Variants in VCAN observed in about 807,000 individuals in gnomAD.
VCAN encodes the protein versican core protein.
VCAN carries 44 observed loss-of-function variants against 245.5 expected under a neutral mutation model. The observed-to-expected ratio is 0.18, with a 90% confidence interval of 0.14 to 0.23. The LOEUF is 0.23. Ranked by LOEUF, VCAN falls within the 10% of genes least tolerant of loss-of-function variation. The pLI is 1.00. For synonymous variants in VCAN, 1,413 were observed against 1,437.0 expected (o/e 0.98, Z 0.38); for missense variants, 3,793 against 4,057.9 (o/e 0.93, Z 1.77).
In VCAN at chr5:83,520,155, T is replaced by C; in HGVS notation, c.1849T>C (p.Ser617Pro). Residue 617 changes from serine to proline, a missense_variant, in exon 7 of 15, where the codon TCA (serine) becomes CCA (proline). Physicochemically the swap from Ser to Pro is moderately conservative, Grantham distance 74. Transcript: ENST00000265077. ...TTTAATTATGCCTGATAATAATGGA[T>C]CATCCATGGATGACTGGGAAGAGAG... The part of the protein sequence containing the change: ...SPLIMPDNNG[S>P]SMDDWEERQT... 1 of 1,614,056 alleles carries C rather than the reference T, an allele frequency of 6.2e-7. No homozygotes were observed. Among genetic ancestry groups the C allele is most frequent in the Non-Finnish European group, 8.5e-7 (1 of 1,179,976 alleles).
chr5:83,560,718 G>T (rs1177244621), intron 12 of VCAN, among the ~76,000 whole-genome samples: 1 of 152,096 alleles, frequency 6.6e-6, no homozygotes, highest in Non-Finnish European at 1.5e-5. Context: ...TCCAACAAGT[G>T]GTTTAAAATC....
chr5:83,512,433 A>C, intron 6 of VCAN, 37 bp downstream of exon 6: 1 of 1,600,096 alleles, frequency 6.2e-7, no homozygotes, highest in Non-Finnish European at 8.5e-7. Flanking sequence ...TTACAGTTTT[A>C]AAAAAAATGC....
chr5:83,476,117 A>C (rs890922242), intron 1 of VCAN, among the ~76,000 whole-genome samples: 2 of 152,160 alleles, frequency 1.3e-5, no homozygotes, highest in African/African-American at 4.8e-5. Flanking sequence ...GATACTACCC[A>C]TTGTTCTCTC....
chr5:83,533,946 A>G (rs1015469262), intron 7 of VCAN, among the ~76,000 whole-genome samples: 3 of 152,158 alleles, frequency 2.0e-5, no homozygotes, highest in Admixed American at 6.6e-5. Flanking sequence ...TATTCTTAAT[A>G]TGAGTTGATA....
At chr5:83,475,628 A>G (rs985363468) in intron 1 of VCAN, among the ~76,000 whole-genome samples, 1 of 152,248 alleles carries the variant, frequency 6.6e-6, no homozygotes, top group African/African-American at 2.4e-5. Context: ...AAGGTCTCCA[A>G]GAGTCTGACT....
chr5:83,529,508 G>A (rs886820398), intron 7 of VCAN, among the ~76,000 whole-genome samples: 3 of 151,926 alleles, frequency 2.0e-5, no homozygotes, highest in African/African-American at 7.3e-5. Flanking sequence ...GTATATGAAT[G>A]TATGCGTAGG....
chr5:83,498,399 T>C (rs1025934163), intron 5 of VCAN, among the ~76,000 whole-genome samples: 9 of 152,306 alleles, frequency 5.9e-5, no homozygotes, highest in African/African-American at 2.2e-4. Context: ...GCTCCATAGG[T>C]AGAGCTGAAT....
chr5:83,552,641 C>T (rs1334792986), intron 10 of VCAN, among the ~76,000 whole-genome samples: 1 of 150,910 alleles, frequency 6.6e-6, no homozygotes, highest in Non-Finnish European at 1.5e-5. Flanking sequence ...TATTGTGAAA[C>T]ACACACACAG....
chr5:83,554,411 G>A (rs1001632030), intron 11 of VCAN, among the ~76,000 whole-genome samples: 3 of 152,304 alleles, frequency 2.0e-5, no homozygotes, highest in Admixed American at 6.5e-5. Context: ...ACTTTACTGC[G>A]TGATATCCTT....
Position 83,520,861 on chromosome 5 carries a change from A to G in VCAN, c.2555A>G (p.Asp852Gly), listed in dbSNP as rs753675362. 3.1e-6 allele frequency: 5 copies of G among 1,614,050 alleles called. No individual in the cohort carries two copies. The highest frequency in any genetic ancestry group is 4.2e-6 in the Non-Finnish European group (5 of 1,180,006). Residue 852 changes from aspartate (D) to glycine (G), a missense_variant, in exon 7 of 15, where the codon GAT (aspartate) becomes GGT (glycine). Transcript: ENST00000265077. The part of the protein sequence containing the change: ...DIPSFTEDGA[D>G]EFTLIPDSTQ... ...CCAAGTTTCACTGAAGATGGAGCAGATGAATTTACTCTTATTCCAGATAGT... is the reference window on the plus strand; with the variant it reads ...CCAAGTTTCACTGAAGATGGAGCAGGTGAATTTACTCTTATTCCAGATAGT...
At chr5:83,551,502 A>G (rs1434202701) in intron 10 of VCAN, among the ~76,000 whole-genome samples, 2 of 151,858 alleles carry the variant, frequency 1.3e-5, no homozygotes, top group Non-Finnish European at 2.9e-5. Context: ...ACAAAGCGAG[A>G]CTCCACCACA....
chr5:83,573,928 A>G (rs908492234), intron 13 of VCAN, among the ~76,000 whole-genome samples: 5 of 152,206 alleles, frequency 3.3e-5, no homozygotes, highest in African/African-American at 1.2e-4. Flanking sequence ...GATGTATAAA[A>G]GAACATCTCT....
intron 12 of VCAN, among the ~76,000 whole-genome samples, chr5:83,569,950 T>G (rs537076762): frequency 6.6e-6 from 1 of 152,184 alleles, no homozygotes; most frequent in East Asian, 1.9e-4. Flanking sequence ...TCTGAAATGT[T>G]GATTATCTAT....
intron 7 of VCAN, 33 bp from the exon 8 acceptor site, chr5:83,536,974 A>G (rs770888760): frequency 7.1e-6 from 11 of 1,541,876 alleles, no homozygotes; most frequent in Non-Finnish European, 9.6e-6. Flanking sequence ...CAAATTTTCT[A>G]TTTAAGTATT....
chr5:83,483,793 A>T (rs1744697406), intron 2 of VCAN, among the ~76,000 whole-genome samples: 1 of 152,240 alleles, frequency 6.6e-6, no homozygotes, highest in Admixed American at 6.5e-5. Context: ...AGGATGCTAA[A>T]GATGCAAGTG....
chr5:83,505,493 T>C (rs114985009), intron 5 of VCAN, among the ~76,000 whole-genome samples: 20,933 of 152,158 alleles, frequency 0.14, 1,887 homozygotes, highest in Middle Eastern at 0.18. Flanking sequence ...CACACCCAGG[T>C]CACGCTGATG....
chr5:83,512,519 C>T (rs1437463877), intron 6 of VCAN, 123 bp downstream of exon 6: 3 of 1,250,658 alleles, frequency 2.4e-6, no homozygotes, highest in Non-Finnish European at 3.3e-6. Flanking sequence ...GGAATGGAAA[C>T]AGTTCAGTGA....
chr5:83,532,167 C>G (rs1405248873), intron 7 of VCAN, among the ~76,000 whole-genome samples: 2 of 152,064 alleles, frequency 1.3e-5, no homozygotes, highest in African/African-American at 4.8e-5. Context: ...CCCCCCAACC[C>G]CCTTACTATA....
intron 12 of VCAN, among the ~76,000 whole-genome samples, chr5:83,571,287 T>C (rs1312633747): frequency 6.6e-6 from 1 of 152,184 alleles, no homozygotes; most frequent in Non-Finnish European, 1.5e-5. Flanking sequence ...TATTCTTGAA[T>C]AGGCACAGCG....
Sources: gnomAD v4.1 joint callset for allele counts (sites outside exome capture counted in the v4.1 genomes callset) on GRCh38, gnomAD v4.1.1 for gene constraint, MANE v1.5 for transcripts, NCBI Gene and HGNC (gene_info 2026-07-23, HGNC 2026-07-21) for gene names.